HORMAD2: variants seen among roughly 807,000 people sequenced by gnomAD.
HORMAD2 encodes the protein HORMA domain containing 2.
HORMAD2 carries 45 observed loss-of-function variants against 38.8 expected under a neutral mutation model. That is an observed-to-expected ratio of 1.16 (90% CI 0.91 to 1.49). The LOEUF is 1.49. Among genes scored for constraint, HORMAD2 ranks in the 40% most tolerant of loss-of-function variants. The pLI, the probability that HORMAD2 is intolerant of heterozygous loss-of-function variation, is 0.00. For synonymous variants in HORMAD2, 126 were observed against 122.8 expected (o/e 1.03, Z -0.17); for missense variants, 338 against 367.0 (o/e 0.92, Z 0.65).
intron 3 of HORMAD2, among the ~76,000 whole-genome samples, chr22:30,101,952 C>T (rs1219387639): frequency 6.6e-6 from 1 of 152,030 alleles, no homozygotes; most frequent in Non-Finnish European, 1.5e-5. Flanking sequence ...CCTGTAATTC[C>T]AGCTACTCTG....
chr22:30,150,762 A>G (rs1001646538), intron 10 of HORMAD2, among the ~76,000 whole-genome samples: 1 of 152,228 alleles, frequency 6.6e-6, no homozygotes, highest in Non-Finnish European at 1.5e-5. Flanking sequence ...ATAGAGATAG[A>G]GGACTGAGGG....
intron 10 of HORMAD2, among the ~76,000 whole-genome samples, chr22:30,134,268 G>A (rs945694998): frequency 5.3e-5 from 8 of 151,384 alleles, no homozygotes; most frequent in Non-Finnish European, 8.8e-5. Flanking sequence ...GCATTGTGGC[G>A]GATGCTTGTA....
intron 10 of HORMAD2, among the ~76,000 whole-genome samples, chr22:30,142,355 G>C (rs1020377248): frequency 2.6e-5 from 4 of 152,240 alleles, no homozygotes; most frequent in African/African-American, 9.6e-5. Flanking sequence ...TGTATATTCT[G>C]CTGTTACTGG....
At chr22:30,111,950 T>A in intron 6 of HORMAD2, 134 bp downstream of exon 6, 1 of 604,818 alleles carries the variant, frequency 1.7e-6, no homozygotes, top group Non-Finnish European at 2.9e-6. Flanking sequence ...ATTAAAAACA[T>A]AGGATCTATC....
upstream of HORMAD2, among the ~76,000 whole-genome samples, chr22:30,078,926 C>T (rs117137381): frequency 2.4e-3 from 370 of 151,262 alleles, 2 homozygotes; most frequent in African/African-American, 8.5e-3. Context: ...ATAGGGTGAA[C>T]GCAGTAGTTC....
intron 1 of HORMAD2, among the ~76,000 whole-genome samples, chr22:30,092,339 C>T (rs1274384920): frequency 1.7e-4 from 24 of 139,772 alleles, no homozygotes; most frequent in Non-Finnish European, 2.9e-4. Flanking sequence ...CTATTCAGAT[C>T]CTTTGCTTTT....
intron 3 of HORMAD2, among the ~76,000 whole-genome samples, chr22:30,101,083 G>A (rs1920940106): frequency 2.0e-5 from 3 of 152,162 alleles, no homozygotes; most frequent in Admixed American, 6.5e-5. Context: ...CCATTACTGG[G>A]TATATATCCA....
intron 5 of HORMAD2, among the ~76,000 whole-genome samples, chr22:30,106,642 G>A (rs1921219340): frequency 6.6e-6 from 1 of 152,106 alleles, no homozygotes; most frequent in South Asian, 2.1e-4. Context: ...CTCATTGAGG[G>A]GCAGTACAAT....
chr22:30,113,355 C>T (rs1003150569), intron 7 of HORMAD2, among the ~76,000 whole-genome samples: 5 of 151,994 alleles, frequency 3.3e-5, no homozygotes, highest in African/African-American at 1.2e-4. Context: ...GCTGGGACTA[C>T]TGGCATGCAC....
the HORMAD2 span, among the ~76,000 whole-genome samples, chr22:30,200,757 A>ATTATTATTATT: frequency 1.0e-4 from 15 of 147,818 alleles, no homozygotes; most frequent in African/African-American, 3.8e-4. Flanking sequence ...TATTATTATT[A>ATTATTATTATT]TTATTATTTT....
At chr22:30,153,679 C>T (rs1924894567) in intron 10 of HORMAD2, among the ~76,000 whole-genome samples, 1 of 152,162 alleles carries the variant, frequency 6.6e-6, no homozygotes, top group Non-Finnish European at 1.5e-5. Flanking sequence ...CTTTTATCAC[C>T]ACCACTTTAC....
At chr22:30,148,832 G>A (rs115219753) in intron 10 of HORMAD2, among the ~76,000 whole-genome samples, 11,838 of 152,086 alleles carry the variant, frequency 0.078, 535 homozygotes, top group African/African-American at 0.091. Flanking sequence ...GTGAAACCCC[G>A]TCTCTACTAA....
intron 2 of HORMAD2, among the ~76,000 whole-genome samples, chr22:30,095,555 A>G (rs1207144562): frequency 6.6e-6 from 1 of 152,196 alleles, no homozygotes; most frequent in Non-Finnish European, 1.5e-5. Context: ...GGTAATAAGT[A>G]TTATCCTTGT....
At chr22:30,091,100 T>TA (rs2068673512) in intron 1 of HORMAD2, among the ~76,000 whole-genome samples, 1 of 152,178 alleles carries the variant, frequency 6.6e-6, no homozygotes, top group South Asian at 2.1e-4. Flanking sequence ...GTACTTGACT[T>TA]ACTTCACTTA....
At chr22:30,179,525 TG>T (rs1276840971), downstream of HORMAD2, among the ~76,000 whole-genome samples, 1 of 152,176 alleles carries the variant, frequency 6.6e-6, no homozygotes, top group Admixed American at 6.5e-5. Flanking sequence ...GGTTATCCAT[TG>T]GTAAAGTCAA....
At chr22:30,143,458 GT>G (rs200453013) in intron 10 of HORMAD2, among the ~76,000 whole-genome samples, 7 of 151,252 alleles carry the variant, frequency 4.6e-5, no homozygotes, top group African/African-American at 1.2e-4. Context: ...TTGGCTGACA[GT>G]TTTTTTTTCC....
At chr22:30,151,289 G>A (rs1924732285) in intron 10 of HORMAD2, among the ~76,000 whole-genome samples, 1 of 152,066 alleles carries the variant, frequency 6.6e-6, no homozygotes, top group Admixed American at 6.6e-5. Flanking sequence ...TTCTAGAGGG[G>A]TTTTTGGAGG....
At chr22:30,120,598 T>C (rs1336679878) in intron 8 of HORMAD2, among the ~76,000 whole-genome samples, 1 of 152,146 alleles carries the variant, frequency 6.6e-6, no homozygotes, top group African/African-American at 2.4e-5. Context: ...AAGTTTAGAA[T>C]TGGAAGGTAA....
chr22:30,081,488 TTTA>T (rs1250558691), intron 1 of HORMAD2, among the ~76,000 whole-genome samples: 1 of 152,178 alleles, frequency 6.6e-6, no homozygotes, highest in African/African-American at 2.4e-5. Flanking sequence ...TGGTGAATAA[TTTA>T]TTGAAGCAAG....
Sources: gnomAD v4.1 joint callset for allele counts (sites outside exome capture counted in the v4.1 genomes callset) on GRCh38, gnomAD v4.1.1 for gene constraint, MANE v1.5 for transcripts, NCBI Gene and HGNC (gene_info 2026-07-23, HGNC 2026-07-21) for gene names.